The following KAZN variants were observed in gnomAD, a reference collection of about 807,000 sequenced individuals.
KAZN encodes the protein kazrin, periplakin interacting protein.
KAZN carries 40 observed loss-of-function variants against 87.4 expected under a neutral mutation model. The observed-to-expected ratio is 0.46, with a 90% CI of 0.36 to 0.60. KAZN has a LOEUF of 0.60. Ranked by LOEUF, KAZN falls within the 20% of genes least tolerant of loss-of-function variation. The probability of loss-of-function intolerance (pLI) is 0.00; values close to 1 mark genes in which losing one functional copy is unlikely to be tolerated. For synonymous variants in KAZN, 466 were observed against 458.3 expected (o/e 1.02, Z -0.22); for missense variants, 898 against 1,073.9 (o/e 0.84, Z 2.29).
chr1:14,840,798 G>T lies in KAZN; in HGVS notation c.227-119886G>T, dbSNP rs75582637. 4.8e-3 allele frequency among the ~76,000 whole-genome samples: 724 copies of T among 152,312 alleles called. 11 individuals are homozygous for T. Among genetic ancestry groups the T allele is most frequent in the African/African-American group, 0.017 (695 of 41,558 alleles). On this transcript the variant is annotated intron_variant, in intron 1 of 14. Coordinates refer to ENST00000376030, the MANE Select transcript of KAZN (RefSeq NM_201628.3). ...GTAAGTGTTCATACTGTAAACAGAA[G>T]GGTAATTTATTCATATCTATTGAAT...
rs558589010 is a variant in KAZN at position 14,587,755 on chromosome 1, C to G, written c.250-11228C>G. Among the ~76,000 whole-genome samples, 4 of 152,278 alleles carry G rather than the reference C, an allele frequency of 2.6e-5. No individual in the cohort carries two copies. The East Asian group carries it at 7.7e-4, about 29-fold the overall frequency. The stretch of plus-strand genomic sequence containing the variant: ...ATCGGCCGCCATGATCCAATCACCT[C>G]CCACCAGGCCCCACCTTCAACACTG... On this transcript the variant is annotated intron_variant, in intron 2 of 16. Coordinates refer to the KAZN transcript ENST00000636203.
chr1:13,959,580 C>T (rs930783393), intron 1 of KAZN, among the ~76,000 whole-genome samples: 1 of 152,172 alleles, frequency 6.6e-6, no homozygotes, highest in African/African-American at 2.4e-5. Context: ...CCTCTCGCAC[C>T]CTCAGGGCCT....
intron 1 of KAZN, among the ~76,000 whole-genome samples, chr1:14,631,070 G>C (rs1056634223): frequency 2.6e-5 from 4 of 152,136 alleles, no homozygotes; most frequent in African/African-American, 9.7e-5. Context: ...CTCTTAGGCT[G>C]AGAGGTTCAT....
intron 1 of KAZN, among the ~76,000 whole-genome samples, chr1:13,987,175 T>C (rs937787941): frequency 1.3e-5 from 2 of 152,174 alleles, no homozygotes; most frequent in African/African-American, 4.8e-5. Flanking sequence ...TTTTTAACTT[T>C]AAGTTCTGGG....
intron 1 of KAZN, among the ~76,000 whole-genome samples, chr1:14,772,018 T>C (rs1222611107): frequency 6.6e-6 from 1 of 151,974 alleles, no homozygotes; most frequent in Non-Finnish European, 1.5e-5. Context: ...AAGAAGAAAT[T>C]GGTGCTCTTT....
chr1:14,551,735 C>T (rs1325942456), intron 2 of KAZN, among the ~76,000 whole-genome samples: 1 of 152,152 alleles, frequency 6.6e-6, no homozygotes, highest in African/African-American at 2.4e-5. Flanking sequence ...GGTCCCCATG[C>T]TCAAACCCCA....
intron 1 of KAZN, among the ~76,000 whole-genome samples, chr1:14,938,933 G>A (rs865936876): frequency 2.0e-5 from 3 of 152,172 alleles, no homozygotes; most frequent in Non-Finnish European, 4.4e-5. Flanking sequence ...ACAATGGATT[G>A]CAGATAATGA....
rs144108846 is a variant in KAZN at position 14,987,280 on chromosome 1, G to A, written c.418+26405G>A. On this transcript the variant is annotated intron_variant, in intron 2 of 14. Transcript: ENST00000376030. ...GAGGCCAAGGTGGGCAGATCATGAG[G>A]TCAGGAGTTCGAGACCAGCCTGGCC... 4.5e-3 allele frequency among the ~76,000 whole-genome samples: 680 copies of A among 152,256 alleles called. 1 individual carries two copies. Among genetic ancestry groups the A allele is most frequent in the Non-Finnish European group, 7.6e-3 (516 of 68,014 alleles).
At chr1:14,550,155 C>T (rs1243830016) in intron 2 of KAZN, among the ~76,000 whole-genome samples, 2 of 152,204 alleles carry the variant, frequency 1.3e-5, no homozygotes, top group African/African-American at 4.8e-5. Context: ...TTCTCTGTGC[C>T]AGGCACTGCC....
chr1:13,954,599 T>C (rs1641472991), intron 1 of KAZN, among the ~76,000 whole-genome samples: 1 of 148,160 alleles, frequency 6.7e-6, no homozygotes, highest in Non-Finnish European at 1.5e-5. Flanking sequence ...ATAGAAGAAT[T>C]TCAAAAAAGC....
intron 3 of KAZN, among the ~76,000 whole-genome samples, chr1:15,037,322 CCTT>C (rs1312837134): frequency 1.3e-5 from 2 of 152,210 alleles, no homozygotes; most frequent in Admixed American, 1.3e-4. Flanking sequence ...TCCAAGCTGA[CCTT>C]CTACTTGTCC....
intron 2 of KAZN, among the ~76,000 whole-genome samples, chr1:14,324,185 A>G (rs1470863029): frequency 6.6e-6 from 1 of 152,162 alleles, no homozygotes; most frequent in Non-Finnish European, 1.5e-5. Flanking sequence ...TGTAACGTGG[A>G]TCACTATCTC....
chr1:15,100,961 G>A (rs534236428), intron 10 of KAZN, among the ~76,000 whole-genome samples: 1 of 152,152 alleles, frequency 6.6e-6, no homozygotes, highest in Non-Finnish European at 1.5e-5. Context: ...TCTCGGGGAT[G>A]CTGTGGAGGC....
chr1:14,218,804 A>G (rs762893304), intron 2 of KAZN, among the ~76,000 whole-genome samples: 4 of 152,138 alleles, frequency 2.6e-5, no homozygotes, highest in Non-Finnish European at 5.9e-5. Flanking sequence ...AGTGAATTTT[A>G]TCTTTATAGA....
At chr1:14,848,637 T>C (rs1649064095) in intron 1 of KAZN, among the ~76,000 whole-genome samples, 1 of 152,154 alleles carries the variant, frequency 6.6e-6, no homozygotes, top group Admixed American at 6.5e-5. Flanking sequence ...CATCCACTCT[T>C]AAAGTCTGAA....
intron 1 of KAZN, among the ~76,000 whole-genome samples, chr1:14,116,138 T>C (rs1644611512): frequency 1.3e-5 from 2 of 152,314 alleles, no homozygotes; most frequent in Non-Finnish European, 2.9e-5. Context: ...TCCCATTTCC[T>C]GAGGAGAAAT....
At chr1:14,927,901 C>A (rs1419513665) in intron 1 of KAZN, among the ~76,000 whole-genome samples, 1 of 152,108 alleles carries the variant, frequency 6.6e-6, no homozygotes, top group Non-Finnish European at 1.5e-5. Flanking sequence ...CTTTGTGTAC[C>A]GGCTCCCAGC....
At chr1:14,710,877 A>G (rs1642448794) in intron 1 of KAZN, among the ~76,000 whole-genome samples, 1 of 152,066 alleles carries the variant, frequency 6.6e-6, no homozygotes, top group African/African-American at 2.4e-5. Flanking sequence ...ATATAGTAGA[A>G]CCTTAATAAA....
intron 2 of KAZN, among the ~76,000 whole-genome samples, chr1:14,402,311 T>C (rs918870280): frequency 6.6e-6 from 1 of 151,964 alleles, no homozygotes; most frequent in Non-Finnish European, 1.5e-5. Context: ...TGAAAGAATA[T>C]TAATAATTGA....
Sources: allele counts gnomAD v4.1 joint callset (sites outside exome capture counted in the v4.1 genomes callset), GRCh38; gene constraint gnomAD v4.1.1; transcripts MANE v1.5; gene names NCBI Gene and HGNC (gene_info 2026-07-23, HGNC 2026-07-21).